CDC42BPB: variants seen among roughly 807,000 people sequenced by gnomAD.
The protein encoded by CDC42BPB is CDC42 binding protein kinase beta, also known as serine/threonine-protein kinase MRCK beta.
In CDC42BPB, 37 loss-of-function variants were observed where a neutral mutation model predicts 214.9. The observed-to-expected ratio is 0.17, with a 90% CI of 0.13 to 0.23. The LOEUF is 0.23. Ranked by LOEUF, CDC42BPB falls within the 10% of genes least tolerant of loss-of-function variation. CDC42BPB has a pLI of 1.00. For synonymous variants in CDC42BPB, 931 were observed against 884.0 expected (o/e 1.05, Z -0.94); for missense variants, 1,694 against 2,227.0 (o/e 0.76, Z 4.82).
chr14:103,044,819 T>C (rs1279947608), intron 1 of CDC42BPB, among the ~76,000 whole-genome samples: 1 of 151,338 alleles, frequency 6.6e-6, no homozygotes, highest in East Asian at 2.0e-4. Context: ...CCTCCAAAAT[T>C]AACCTTTAAG....
intron 30 of CDC42BPB, chr14:102,941,522 A>G (rs1370909558): frequency 4.1e-6 from 4 of 985,332 alleles, no homozygotes; most frequent in Non-Finnish European, 4.8e-6. Context: ...AACCAAGTCA[A>G]AAGCAGCCCC....
rs144063221 is a variant in CDC42BPB, at chr14:102,958,161, G to A, written c.2901+1470C>T. Among the ~76,000 whole-genome samples, 104 of 152,338 alleles carry A rather than the reference G, an allele frequency of 6.8e-4. 2 individuals are homozygous for A. The highest frequency in any genetic ancestry group is 2.1e-3 in the African/African-American group (88 of 41,586). ...CAGCAGGAAAGGGCATTCCTGGGAC[G>A]ACAAGGGACACATGGATATGGGCTG... On this transcript the variant is annotated intron_variant, in intron 21 of 36. Transcript: ENST00000361246.
chr14:102,958,326 GA>G (rs762136360), intron 21 of CDC42BPB, among the ~76,000 whole-genome samples: 1 of 152,216 alleles, frequency 6.6e-6, no homozygotes, highest in Non-Finnish European at 1.5e-5. Context: ...TTCAGAGGAA[GA>G]AAGTCTCTTA....
chr14:103,011,757 A>G (rs1207978574), intron 2 of CDC42BPB, among the ~76,000 whole-genome samples: 1 of 152,034 alleles, frequency 6.6e-6, no homozygotes, highest in Non-Finnish European at 1.5e-5. Flanking sequence ...AAACAAAAAC[A>G]AAAAAAACTA....
intron 26 of CDC42BPB, among the ~76,000 whole-genome samples, chr14:102,948,953 C>T (rs1220544834): frequency 6.6e-6 from 1 of 152,048 alleles, no homozygotes; most frequent in African/African-American, 2.4e-5. Flanking sequence ...GATGCCGACT[C>T]ACCCTCGCTG....
intron 1 of CDC42BPB, among the ~76,000 whole-genome samples, chr14:103,031,654 C>G (rs114271935): frequency 1.3e-5 from 2 of 152,180 alleles, no homozygotes; most frequent in African/African-American, 4.8e-5. Context: ...GGCGCCCACA[C>G]GCAGGCCTTT....
At chr14:103,029,126 C>T (rs562392603) in intron 1 of CDC42BPB, among the ~76,000 whole-genome samples, 9 of 152,270 alleles carry the variant, frequency 5.9e-5, no homozygotes, top group Admixed American at 4.6e-4. Context: ...ATCCAAAATT[C>T]CTTCAATCTT....
At chr14:102,966,870 C>A (rs571667823) in intron 17 of CDC42BPB, among the ~76,000 whole-genome samples, 176 bp downstream of exon 17, 1 of 152,284 alleles carries the variant, frequency 6.6e-6, no homozygotes, top group South Asian at 2.1e-4. Context: ...CACCTCTATT[C>A]CAACAGAACC....
intron 2 of CDC42BPB, among the ~76,000 whole-genome samples, chr14:103,010,252 A>G (rs1566900963): frequency 6.6e-6 from 1 of 152,170 alleles, no homozygotes; most frequent in African/African-American, 2.4e-5. Flanking sequence ...ATGCCAGCAC[A>G]CTCCAGCCTG....
chr14:102,963,626 G>A (rs988993870), intron 19 of CDC42BPB, among the ~76,000 whole-genome samples: 1 of 152,242 alleles, frequency 6.6e-6, no homozygotes, highest in African/African-American at 2.4e-5. Context: ...ACACCTGGCC[G>A]GGAGGGATGC....
chr14:102,968,034 G>A (rs1469686586), intron 16 of CDC42BPB, among the ~76,000 whole-genome samples: 1 of 151,894 alleles, frequency 6.6e-6, no homozygotes, highest in African/African-American at 2.4e-5. Context: ...GGCAGAGGTT[G>A]CAGTGAGCCA....
At chr14:103,040,603 C>A (rs112933885) in intron 1 of CDC42BPB, among the ~76,000 whole-genome samples, 1 of 151,832 alleles carries the variant, frequency 6.6e-6, no homozygotes, top group Non-Finnish European at 1.5e-5. Context: ...GGATTACAGG[C>A]GGCTGCCAAC....
intron 1 of CDC42BPB, among the ~76,000 whole-genome samples, chr14:103,029,547 GAAA>G (rs762169713): frequency 3.3e-5 from 4 of 122,550 alleles, no homozygotes; most frequent in East Asian, 4.6e-4. Context: ...TGTCTCAAAG[GAAA>G]AAAAAAAAAA....
intron 1 of CDC42BPB, among the ~76,000 whole-genome samples, chr14:103,053,092 G>C (rs556449016): frequency 3.9e-5 from 6 of 151,964 alleles, no homozygotes; most frequent in Admixed American, 2.0e-4. Flanking sequence ...GCTCACGCCT[G>C]TAATCCCAGC....
intron 3 of CDC42BPB, among the ~76,000 whole-genome samples, chr14:103,005,592 C>T (rs547041661): frequency 3.3e-5 from 5 of 152,176 alleles, no homozygotes; most frequent in African/African-American, 1.2e-4. Flanking sequence ...CGTCTGCAGT[C>T]CCAGCTACTC....
intron 21 of CDC42BPB, among the ~76,000 whole-genome samples, chr14:102,958,464 C>A (rs1007044977): frequency 8.5e-5 from 13 of 152,176 alleles, no homozygotes; most frequent in African/African-American, 3.1e-4. Flanking sequence ...ACCTTCCCCA[C>A]CCTGCACCCC....
chr14:102,947,987 G>C, intron 26 of CDC42BPB, 185 bp from the exon 27 acceptor site: 1 of 983,440 alleles, frequency 1.0e-6, no homozygotes, highest in Non-Finnish European at 1.2e-6. Context: ...GACTCTGGCA[G>C]GTGTTTCAGG....
At chr14:103,039,427 C>A (rs1887858388) in intron 1 of CDC42BPB, among the ~76,000 whole-genome samples, 1 of 151,788 alleles carries the variant, frequency 6.6e-6, no homozygotes, top group African/African-American at 2.4e-5. Flanking sequence ...GAATTATATA[C>A]CATGATCAAG....
chr14:102,999,528 A>T, intron 5 of CDC42BPB, 37 bp downstream of exon 5: 2 of 1,607,416 alleles, frequency 1.2e-6, no homozygotes, highest in East Asian at 2.2e-5. Flanking sequence ...TTAACAATTA[A>T]ACGTGGTTTC....
Sources: gnomAD v4.1 joint callset for allele counts (sites outside exome capture counted in the v4.1 genomes callset) on GRCh38, gnomAD v4.1.1 for gene constraint, MANE v1.5 for transcripts, NCBI Gene and HGNC (gene_info 2026-07-23, HGNC 2026-07-21) for gene names.